ICA1: variants seen among roughly 807,000 people sequenced by gnomAD.
The protein encoded by ICA1 is islet cell autoantigen 1.
A neutral mutation model predicts 71.0 loss-of-function variants in ICA1; 40 were observed. The observed-to-expected ratio is 0.56, with a 90% CI of 0.44 to 0.73. ICA1 has a LOEUF of 0.73. Among genes scored for constraint, ICA1 ranks in the 30% least tolerant of loss-of-function variants. The probability of loss-of-function intolerance (pLI) is 0.00; values close to 1 mark genes in which losing one functional copy is unlikely to be tolerated. For synonymous variants in ICA1, 207 were observed against 209.5 expected (o/e 0.99, Z 0.10); for missense variants, 578 against 576.5 (o/e 1.00, Z -0.03).
intron 6 of ICA1, among the ~76,000 whole-genome samples, chr7:8,163,584 C>T (rs1265664443): frequency 2.6e-5 from 4 of 152,134 alleles, no homozygotes; most frequent in African/African-American, 9.7e-5. Flanking sequence ...GTCACATAGT[C>T]CCTCAAGAAT....
chr7:8,156,791 T>A, intron 8 of ICA1: 1 of 1,452,100 alleles, frequency 6.9e-7, no homozygotes, highest in Non-Finnish European at 9.1e-7. Context: ...GTCAAACAAG[T>A]ATTTTAAAGG....
At chr7:8,180,089 C>G (rs1781755467) in intron 6 of ICA1, among the ~76,000 whole-genome samples, 1 of 151,946 alleles carries the variant, frequency 6.6e-6, no homozygotes, top group Admixed American at 6.6e-5. Context: ...GCTCCATACA[C>G]TTTTAAATAT....
intron 12 of ICA1, among the ~76,000 whole-genome samples, chr7:8,131,927 C>T (rs1791587819): frequency 6.6e-6 from 1 of 152,200 alleles, no homozygotes; most frequent in South Asian, 2.1e-4. Context: ...GGGCTTCCAC[C>T]CATGCAGATG....
rs200860878 is a variant in ICA1 at position 8,127,863 on chromosome 7, C to T, written c.1330+10G>A. 126 of 1,596,486 alleles carry T rather than the reference C, an allele frequency of 7.9e-5. No homozygotes were observed. In the African/African-American group the frequency reaches 1.6e-3, roughly 20 times the overall value. ...ACAAAAAACCCCATTTCAATCCCCA[C>T]CTTACCTACCTTGTAGCGAGGCCTG... On this transcript the variant is annotated intron_variant, in intron 13 of 13. Transcript: ENST00000402384.
Position 8,123,556 on chromosome 7 carries a change from T to G in ICA1, c.1330+4317A>C, listed in dbSNP as rs1348905172. 6.6e-6 allele frequency among the ~76,000 whole-genome samples: 1 copy of G among 152,198 alleles called. No individual in the cohort carries two copies. The highest frequency in any genetic ancestry group is 2.4e-5 in the African/African-American group (1 of 41,440). The stretch of plus-strand genomic sequence containing the variant: ...AGTGTGCCAGAGCGAATGTAGCTGC[T>G]GGCACACAGGAACAAGATTTCCTAG... On this transcript the variant is annotated intron_variant, in intron 13 of 13. Transcript: ENST00000402384. This position sits in a 1 kb window ranked among gnomAD's most constrained non-coding sequence, Gnocchi z 4.1.
At chr7:8,213,857 A>G (rs1178538500) in intron 6 of ICA1, among the ~76,000 whole-genome samples, 1 of 149,216 alleles carries the variant, frequency 6.7e-6, no homozygotes, top group Non-Finnish European at 1.5e-5. Flanking sequence ...ATATCCTTTG[A>G]TAATATGATT....
At position 8,205,078 on chromosome 7, in the gene ICA1, CAAA is replaced by C. The variant is rs56223249; in HGVS notation, c.579+13224_579+13226del. Among the ~76,000 whole-genome samples the C allele has an allele frequency of 6.9e-3, 757 of 109,600 alleles. 9 individuals carry two copies. Among genetic ancestry groups the C allele is most frequent in the African/African-American group, 0.023 (647 of 27,918 alleles). 71.9% of individuals were successfully genotyped at this position (109,600 alleles called of 152,430 possible). On this transcript the variant is annotated intron_variant, in intron 6 of 13. Transcript: ENST00000402384. The stretch of plus-strand genomic sequence containing the variant: ...TTTTTATTTTAAAATGGAAGACATG[CAAA>C]AAAAAAAAAAAAAGGCGGGGGGGTG...
intron 4 of ICA1, chr7:8,227,629 A>G: frequency 5.6e-6 from 2 of 360,018 alleles, no homozygotes; most frequent in Non-Finnish European, 1.1e-5. Flanking sequence ...TTTTTCTAAG[A>G]GATCTCACCT....
chr7:8,138,549 G>A (rs1378703962), intron 12 of ICA1, among the ~76,000 whole-genome samples: 3 of 152,112 alleles, frequency 2.0e-5, no homozygotes, highest in Admixed American at 1.3e-4. Flanking sequence ...TTAAATCCAC[G>A]TGTCTGATTC....
At chr7:8,163,538 T>C (rs992061063) in intron 6 of ICA1, among the ~76,000 whole-genome samples, 5 of 152,162 alleles carry the variant, frequency 3.3e-5, no homozygotes, top group African/African-American at 9.7e-5. Flanking sequence ...TCAGCGAAGG[T>C]GTAACTATGA....
chr7:8,212,401 C>G (rs1794088437), intron 6 of ICA1, among the ~76,000 whole-genome samples: 1 of 152,144 alleles, frequency 6.6e-6, no homozygotes. Flanking sequence ...CCCATCTCTA[C>G]TAAAAATACA....
At chr7:8,119,671 C>T (rs1786068437) in intron 13 of ICA1, among the ~76,000 whole-genome samples, 1 of 151,906 alleles carries the variant, frequency 6.6e-6, no homozygotes, top group African/African-American at 2.4e-5. Flanking sequence ...CATGGTGAAA[C>T]CCTGTCTCTA....
chr7:8,147,597 G>GT (rs141610617), intron 8 of ICA1, among the ~76,000 whole-genome samples: 10,549 of 151,722 alleles, frequency 0.07, 451 homozygotes, highest in African/African-American at 0.14. Flanking sequence ...GCTCAGGGGA[G>GT]TAATTTGAAA....
At chr7:8,182,655 G>T (rs192222338) in intron 6 of ICA1, among the ~76,000 whole-genome samples, 7 of 152,176 alleles carry the variant, frequency 4.6e-5, no homozygotes, top group African/African-American at 1.7e-4. Flanking sequence ...AAAATTAAAG[G>T]GTTATTAAAG....
intron 6 of ICA1, among the ~76,000 whole-genome samples, chr7:8,193,168 AAG>A (rs1786284438): frequency 1.3e-5 from 2 of 152,208 alleles, no homozygotes; most frequent in South Asian, 4.1e-4. Flanking sequence ...GCATATCCAC[AAG>A]TACTCTCAGA....
At chr7:8,157,482 C>A in intron 7 of ICA1, 1 of 435,342 alleles carries the variant, frequency 2.3e-6, no homozygotes, top group Non-Finnish European at 4.0e-6. Context: ...TCATCTGATC[C>A]ATCCTCCAAA....
At chr7:8,202,009 A>G (rs1789891565) in intron 6 of ICA1, among the ~76,000 whole-genome samples, 1 of 152,202 alleles carries the variant, frequency 6.6e-6, no homozygotes, top group Non-Finnish European at 1.5e-5. Flanking sequence ...GCCTACCCCC[A>G]GGACACAGTC....
chr7:8,140,911 C>A lies in ICA1; in HGVS notation c.955+854G>T, dbSNP rs150495102. On this transcript the variant is annotated intron_variant, in intron 10 of 13. Transcript: ENST00000402384. ...AGGAGAAGTTCTAGAATCTCCTTTG[C>A]CTCCTCCTATCTTCCAGGAAGGTAC... 1.9e-3 allele frequency among the ~76,000 whole-genome samples: 290 copies of A among 152,280 alleles called. 1 individual carries two copies. The highest frequency in any genetic ancestry group is 6.6e-3 in the African/African-American group (276 of 41,552).
chr7:8,244,075 A>C (rs1420570499), intron 1 of ICA1, among the ~76,000 whole-genome samples: 2 of 152,206 alleles, frequency 1.3e-5, no homozygotes, highest in Admixed American at 6.5e-5. Context: ...GTTCATATGG[A>C]ATCAAAAAAG....
Sources: gnomAD v4.1 joint callset for allele counts (sites outside exome capture counted in the v4.1 genomes callset) on GRCh38, gnomAD v4.1.1 for gene constraint, Gnocchi (gnomAD v3.1) non-coding constraint, MANE v1.5 for transcripts, NCBI Gene and HGNC (gene_info 2026-07-23, HGNC 2026-07-21) for gene names.